The following SNX30 variants were observed in gnomAD, a reference collection of about 807,000 sequenced individuals.
The protein encoded by SNX30 is sorting nexin-30.
In SNX30, 24 loss-of-function variants were observed where a neutral mutation model predicts 46.4. The observed-to-expected ratio is 0.52, with a 90% CI of 0.37 to 0.73. The LOEUF is 0.73. Among genes scored for constraint, SNX30 ranks in the 30% least tolerant of loss-of-function variants. The pLI is 0.00. For missense variants in SNX30, 533 were observed against 555.7 expected (o/e 0.96, Z 0.41); for synonymous variants, 189 against 211.5 (o/e 0.89, Z 0.92).
At chr9:112,867,481 TTCCTCCTCCCTCCTCAGAAC>T (rs1474005883) in intron 8 of SNX30, among the ~76,000 whole-genome samples, 2 of 135,088 alleles carry the variant, frequency 1.5e-5, no homozygotes, top group African/African-American at 5.6e-5. Context: ...CACCTCAGTA[TTCCTCCTCCCTCCTCAGAAC>T]TCCTCCTCCT....
At chr9:112,777,472 G>T (rs757825060) in intron 1 of SNX30, among the ~76,000 whole-genome samples, 1 of 151,842 alleles carries the variant, frequency 6.6e-6, no homozygotes, top group Non-Finnish European at 1.5e-5. Context: ...TGTTGCTCAG[G>T]CTGGAGTGCA....
intron 3 of SNX30, among the ~76,000 whole-genome samples, chr9:112,822,766 G>C (rs1180696710): frequency 2.0e-5 from 3 of 152,152 alleles, no homozygotes; most frequent in Non-Finnish European, 4.4e-5. Flanking sequence ...ATTGTTTGCT[G>C]TTCTGAATAG....
At chr9:112,847,903 C>G (rs1381286544) in intron 6 of SNX30, among the ~76,000 whole-genome samples, 2 of 152,124 alleles carry the variant, frequency 1.3e-5, no homozygotes, top group Non-Finnish European at 2.9e-5. Context: ...CTCCTAATGC[C>G]TAGAGTTACC....
chr9:112,805,454 A>G (rs946885324), intron 2 of SNX30, among the ~76,000 whole-genome samples: 5 of 151,864 alleles, frequency 3.3e-5, no homozygotes, highest in Non-Finnish European at 7.4e-5. Flanking sequence ...GATTAATTAA[A>G]TAACTTTTAA....
downstream of SNX30, among the ~76,000 whole-genome samples, chr9:112,883,241 A>T (rs920169721): frequency 1.4e-4 from 22 of 151,998 alleles, no homozygotes; most frequent in Admixed American, 4.6e-4. Context: ...AGAGAAGGAG[A>T]GACGGAGGAA....
chr9:112,787,954 A>G (rs568871241), intron 1 of SNX30, among the ~76,000 whole-genome samples: 203 of 151,910 alleles, frequency 1.3e-3, no homozygotes, highest in Non-Finnish European at 2.5e-3. Flanking sequence ...ATGCCACCAC[A>G]CCTGGCTAAT....
At chr9:112,879,569 A>G, downstream of SNX30, 3 of 545,852 alleles carry the variant, frequency 5.5e-6, no homozygotes, top group East Asian at 8.5e-5. Context: ...ACGTTTTTCC[A>G]TCACCAGGAA....
rs4979169 is a variant in SNX30, at chr9:112,864,617, C to A, written c.1254+218C>A. ...CTCACAGGGGTTTCCCTTGCACATGCTGCTGGGGAAGCAGCCCATTCGTCT... is the reference window on the plus strand; with the variant it reads ...CTCACAGGGGTTTCCCTTGCACATGATGCTGGGGAAGCAGCCCATTCGTCT... On this transcript the variant is annotated intron_variant, in intron 8 of 8. Coordinates refer to ENST00000374232, the MANE Select transcript of SNX30 (RefSeq NM_001012994.2). 1.4e-3 allele frequency among the ~76,000 whole-genome samples: 217 copies of A among 152,312 alleles called. 4 individuals carry two copies. Among genetic ancestry groups the A allele is most frequent in the Admixed American group, 0.013 (201 of 15,310 alleles).
At position 112,871,050 on chromosome 9, in the gene SNX30, G is replaced by A. The variant is rs1015368798; in HGVS notation, c.*2207G>A. 7 of 152,250 alleles carry A rather than the reference G, an allele frequency of 4.6e-5. No homozygotes were observed. The highest frequency in any genetic ancestry group is 2.0e-4 in the Admixed American group (3 of 15,286). The allele number at this position is 152,250 out of a possible 1,614,324, so 9.4% of individuals were successfully genotyped here. A position where few individuals can be genotyped will look rare whatever the true frequency, so the allele number is the denominator to read the frequency against. On this transcript the variant is annotated 3_prime_UTR_variant, in exon 9 of 9. Coordinates refer to ENST00000374232, the MANE Select transcript of SNX30 (RefSeq NM_001012994.2). ...ATGTGGGAAGGGGCGTGGGACGCACGCGGTCACTCCCTCTCCTAGTGAGAG... is the reference window on the plus strand; with the variant it reads ...ATGTGGGAAGGGGCGTGGGACGCACACGGTCACTCCCTCTCCTAGTGAGAG...
At chr9:112,846,949 A>T (rs984009173) in intron 6 of SNX30, among the ~76,000 whole-genome samples, 2 of 152,144 alleles carry the variant, frequency 1.3e-5, no homozygotes, top group African/African-American at 2.4e-5. Flanking sequence ...TGGGGAAGGG[A>T]TGCTGTGCTT....
At chr9:112,762,536 C>T (rs1180323276) in intron 1 of SNX30, among the ~76,000 whole-genome samples, 1 of 150,436 alleles carries the variant, frequency 6.6e-6, no homozygotes, top group Non-Finnish European at 1.5e-5. Flanking sequence ...AGCTCTGTGG[C>T]CTTGGGCAAG....
At chr9:112,816,988 G>T (rs1410527419) in intron 2 of SNX30, among the ~76,000 whole-genome samples, 1 of 152,086 alleles carries the variant, frequency 6.6e-6, no homozygotes, top group East Asian at 1.9e-4. Flanking sequence ...TTGAGAAAAA[G>T]GGATGAGATT....
chr9:112,853,686 G>A (rs1456546552), intron 7 of SNX30, among the ~76,000 whole-genome samples: 1 of 152,216 alleles, frequency 6.6e-6, no homozygotes, highest in Non-Finnish European at 1.5e-5. Flanking sequence ...TAGAAACAGA[G>A]AGTAGAACGG....
intron 1 of SNX30, among the ~76,000 whole-genome samples, chr9:112,751,803 T>C (rs1056996348): frequency 3.3e-5 from 5 of 152,076 alleles, no homozygotes; most frequent in Admixed American, 2.0e-4. Context: ...GGTTTTGTGG[T>C]TGATGGAAAG....
At chr9:112,858,559 G>C (rs1179484839) in intron 7 of SNX30, among the ~76,000 whole-genome samples, 1 of 152,138 alleles carries the variant, frequency 6.6e-6, no homozygotes, top group Non-Finnish European at 1.5e-5. Context: ...TAGTGTTACT[G>C]GTCAGTGAAT....
chr9:112,793,782 CT>C (rs1424310646), intron 1 of SNX30, among the ~76,000 whole-genome samples: 1 of 144,642 alleles, frequency 6.9e-6, no homozygotes, highest in Non-Finnish European at 1.5e-5. Context: ...TTTTCTTGTT[CT>C]TTTTACCTCC....
At chr9:112,778,655 G>T (rs185617500) in intron 1 of SNX30, among the ~76,000 whole-genome samples, 1 of 152,192 alleles carries the variant, frequency 6.6e-6, no homozygotes, top group Non-Finnish European at 1.5e-5. Flanking sequence ...TCTTGATGGG[G>T]AAGTGGCCAG....
intron 2 of SNX30, among the ~76,000 whole-genome samples, chr9:112,813,469 A>ATT (rs34581439): frequency 0.52 from 69,234 of 132,226 alleles, 18,999 homozygotes; most frequent in East Asian, 0.72. Flanking sequence ...ACTGTATTTA[A>ATT]TTTTTTTTTT....
At chr9:112,762,958 T>C (rs1268021406) in intron 1 of SNX30, among the ~76,000 whole-genome samples, 1 of 152,156 alleles carries the variant, frequency 6.6e-6, no homozygotes, top group Non-Finnish European at 1.5e-5. Context: ...GGTTGACGGC[T>C]GCTTGGGTGG....
Sources: allele counts gnomAD v4.1 joint callset (sites outside exome capture counted in the v4.1 genomes callset), GRCh38; gene constraint gnomAD v4.1.1; transcripts MANE v1.5; gene names NCBI Gene and HGNC (gene_info 2026-07-23, HGNC 2026-07-21).